The following LIN28B variants were observed in gnomAD, a reference collection of about 807,000 sequenced individuals.
The protein encoded by LIN28B is lin-28 RNA binding posttranscriptional regulator B.
LIN28B carries 5 observed loss-of-function variants against 21.9 expected under a neutral mutation model. The observed-to-expected ratio is 0.23, with a 90% CI of 0.12 to 0.48. The LOEUF (loss-of-function observed/expected upper bound fraction) is 0.48, where lower values mean the gene tolerates loss of function less well. LIN28B is among the 20% of genes least tolerant of loss of function. LIN28B has a pLI of 0.98. For synonymous variants in LIN28B, 109 were observed against 111.3 expected, an observed-to-expected ratio of 0.98 and a Z score of 0.13; for missense variants, 245 against 310.5, an observed-to-expected ratio of 0.79 and a Z score of 1.58.
intron 2 of LIN28B, among the ~76,000 whole-genome samples, chr6:104,999,650 T>A (rs1326376257): frequency 2.6e-5 from 4 of 152,180 alleles, no homozygotes; most frequent in African/African-American, 9.7e-5. Context: ...GTTATTTGTT[T>A]GTTTTACCCT....
At chr6:105,028,045 A>T (rs149936323) in intron 3 of LIN28B, among the ~76,000 whole-genome samples, 122 of 152,336 alleles carry the variant, frequency 8.0e-4, no homozygotes, top group African/African-American at 2.7e-3. Flanking sequence ...TCCCATGGAG[A>T]TAATACCTGC....
At chr6:104,947,075 A>G (rs887882022) in intron 2 of LIN28B, among the ~76,000 whole-genome samples, 1 of 152,100 alleles carries the variant, frequency 6.6e-6, no homozygotes, top group Admixed American at 6.6e-5. Context: ...ATGTAGTAGT[A>G]ATTTATTTTT....
In LIN28B at chr6:104,958,148, G is replaced by A. The variant is rs763283560; in HGVS notation, c.60G>A (p.Pro20=). 11 of 1,606,412 alleles carry A rather than the reference G, an allele frequency of 6.8e-6. No individual in the cohort carries two copies. Among genetic ancestry groups the A allele is most frequent in the African/African-American group, 4.0e-5 (3 of 74,770 alleles). ...GGEEPGKLPE[P]AEEESQVLRG... is the part of the protein sequence containing the mutation. Reference sequence around the variant, plus strand: ...AAGAGCCCGGGAAGCTGCCGGAGCCGGCAGAGGAGGAATCCCAGGTTTTGC... The same window carrying A: ...AAGAGCCCGGGAAGCTGCCGGAGCCAGCAGAGGAGGAATCCCAGGTTTTGC... The change falls in exon 2 of 4, where the codon CCG becomes CCA. Residue 20 remains proline (P), a synonymous_variant. Transcript: ENST00000345080.
intron 3 of LIN28B, among the ~76,000 whole-genome samples, chr6:105,043,620 T>C (rs892212537): frequency 3.3e-5 from 5 of 151,500 alleles, no homozygotes; most frequent in Admixed American, 2.0e-4. Context: ...GGTCTCACTC[T>C]CACCCAAGCT....
At chr6:105,014,922 T>TAAA (rs1770998464) in intron 2 of LIN28B, among the ~76,000 whole-genome samples, 6 of 152,010 alleles carry the variant, frequency 3.9e-5, no homozygotes, top group Admixed American at 6.5e-5. Flanking sequence ...TCAGGTCAAT[T>TAAA]AAAAGTATAC....
chr6:105,055,054 T>G (rs535494861), intron 3 of LIN28B, among the ~76,000 whole-genome samples: 1 of 152,166 alleles, frequency 6.6e-6, no homozygotes, highest in African/African-American at 2.4e-5. Context: ...TAGTGTAAAA[T>G]GTATCTTTTT....
At chr6:105,058,091 T>C (rs577639722) in intron 3 of LIN28B, 2 of 413,088 alleles carry the variant, frequency 4.8e-6, no homozygotes, top group Admixed American at 5.7e-5. Flanking sequence ...ACTCCTGGCT[T>C]GACGGTGCAT....
rs1210375136 is a variant in LIN28B at position 104,992,139 on chromosome 6, G to A, written c.198+33853G>A. Among the ~76,000 whole-genome samples the A allele has an allele frequency of 4.6e-5, 7 of 151,690 alleles. No individual in the cohort carries two copies. The East Asian group carries it at 5.8e-4, about 13-fold the overall frequency. ...GGAGTTCATGCGATCTCGGCTCACC[G>A]TAACCTCCGCCTTTGGGTTCAAGTG... On this transcript the variant is annotated intron_variant, in intron 2 of 3. Transcript: ENST00000345080.
At chr6:105,034,886 G>A (rs554137630) in intron 3 of LIN28B, among the ~76,000 whole-genome samples, 147 of 152,010 alleles carry the variant, frequency 9.7e-4, no homozygotes, top group Admixed American at 3.3e-3. Context: ...TCCTTATTGA[G>A]GTGCTGTAAA....
chr6:105,067,917 T>A (rs1000617401), intron 3 of LIN28B, among the ~76,000 whole-genome samples: 4 of 152,188 alleles, frequency 2.6e-5, no homozygotes, highest in African/African-American at 9.7e-5. Context: ...ATGTCTTGTT[T>A]GCTTTTAAAA....
At chr6:105,073,676 A>G (rs1045382759) in intron 3 of LIN28B, among the ~76,000 whole-genome samples, 8 of 152,112 alleles carry the variant, frequency 5.3e-5, no homozygotes, top group African/African-American at 1.9e-4. Flanking sequence ...GAATCCTAAG[A>G]TACATTTTTT....
intron 2 of LIN28B, among the ~76,000 whole-genome samples, chr6:105,014,931 A>G (rs747009894): frequency 7.9e-5 from 12 of 151,850 alleles, no homozygotes; most frequent in Non-Finnish European, 1.5e-4. Flanking sequence ...TTAAAAGTAT[A>G]CTGTGTAATT....
At chr6:104,983,193 A>C (rs1770261999) in intron 2 of LIN28B, among the ~76,000 whole-genome samples, 1 of 152,238 alleles carries the variant, frequency 6.6e-6, no homozygotes, top group South Asian at 2.1e-4. Context: ...GGCTTATATA[A>C]AAATGGCATA....
At position 105,082,836 on chromosome 6, in the gene LIN28B, C is replaced by T. The variant is rs1198004281; in HGVS notation, c.*4053C>T. 2.0e-5 allele frequency: 3 copies of T among 152,670 alleles called. 1 individual carries two copies. Among genetic ancestry groups the T allele is most frequent in the South Asian group, 4.1e-4 (2 of 4,834 alleles). The allele number at this position is 152,670 out of a possible 1,614,324, so 9.5% of individuals were successfully genotyped here. Reference sequence around the variant, plus strand: ...GATATTTAATGCATCTGTGGCTTAACACTTGTGAGAGTTACCAGCTTGAAA... The same window carrying T: ...GATATTTAATGCATCTGTGGCTTAATACTTGTGAGAGTTACCAGCTTGAAA... On this transcript the variant is annotated 3_prime_UTR_variant, in exon 4 of 4. Transcript: ENST00000345080.
intron 2 of LIN28B, among the ~76,000 whole-genome samples, chr6:105,025,446 C>T (rs1258322980): frequency 2.0e-5 from 3 of 151,642 alleles, no homozygotes; most frequent in Non-Finnish European, 4.4e-5. Flanking sequence ...GTTATTTTTA[C>T]AAAAAATCAG....
At chr6:105,020,532 T>A (rs1341764988) in intron 2 of LIN28B, among the ~76,000 whole-genome samples, 2 of 151,938 alleles carry the variant, frequency 1.3e-5, no homozygotes, top group African/African-American at 4.8e-5. Context: ...TTGCACAGGC[T>A]GGCCTAGAAC....
At chr6:105,003,852 T>A (rs920154552) in intron 2 of LIN28B, among the ~76,000 whole-genome samples, 8 of 152,186 alleles carry the variant, frequency 5.3e-5, no homozygotes, top group African/African-American at 1.9e-4. Flanking sequence ...GCAATAATTT[T>A]AAAAAATCAA....
intron 2 of LIN28B, among the ~76,000 whole-genome samples, chr6:104,963,142 G>T (rs1160834181): frequency 6.6e-6 from 1 of 152,142 alleles, no homozygotes; most frequent in East Asian, 1.9e-4. Context: ...CGCCTTCCGG[G>T]TTCACGCCAT....
chr6:105,042,085 A>C (rs1198474313), intron 3 of LIN28B, among the ~76,000 whole-genome samples: 2 of 152,226 alleles, frequency 1.3e-5, no homozygotes, highest in Admixed American at 6.5e-5. Context: ...TTCGCTAGAC[A>C]TGAATCATTT....
Sources: allele counts gnomAD v4.1 joint callset (sites outside exome capture counted in the v4.1 genomes callset), GRCh38; gene constraint gnomAD v4.1.1; transcripts MANE v1.5; gene names NCBI Gene and HGNC (gene_info 2026-07-23, HGNC 2026-07-21).